The following ANKAR variants were observed in gnomAD, a reference collection of about 807,000 sequenced individuals.
The protein encoded by ANKAR is ankyrin and armadillo repeat-containing protein.
Under a neutral mutation model 146.2 loss-of-function variants are expected in ANKAR, and 136 were observed. The ratio of observed to expected loss-of-function variants is 0.93; its 90% CI spans 0.81 to 1.07. ANKAR has a LOEUF of 1.07. Ranked by LOEUF, ANKAR falls within the 50% of genes least tolerant of loss-of-function variation. The pLI is 0.00. For missense variants in ANKAR, 1,567 were observed against 1,679.9 expected, an observed-to-expected ratio of 0.93 and a Z score of 1.18; for synonymous variants, 500 against 575.8, an observed-to-expected ratio of 0.87 and a Z score of 1.88.
chr2:189,742,833 GACAC>G (rs371664229), intron 20 of ANKAR, among the ~76,000 whole-genome samples: 1 of 53,254 alleles, frequency 1.9e-5, no homozygotes. Context: ...AGAATTACCT[GACAC>G]ACACACACAC....
chr2:189,732,436 CG>C (rs1010024739), intron 16 of ANKAR, among the ~76,000 whole-genome samples: 5 of 152,062 alleles, frequency 3.3e-5, no homozygotes, highest in African/African-American at 9.6e-5. Context: ...ACAAAGCAGG[CG>C]GATCATGAGG....
chr2:189,724,831 GGAAATATATTGAT>G (rs1309072130), intron 12 of ANKAR, among the ~76,000 whole-genome samples: 2 of 151,818 alleles, frequency 1.3e-5, no homozygotes, highest in Non-Finnish European at 2.9e-5. Context: ...TTTTGCTTTT[GGAAATATATTGAT>G]ATTCTACATA....
At chr2:189,755,692 GCCTT>G in intron 18 of ANKAR, 4 of 948,164 alleles carry the variant, frequency 4.2e-6, no homozygotes, top group Non-Finnish European at 6.0e-6. Flanking sequence ...CTAATTGTGT[GCCTT>G]CTAACATAGC....
At chr2:189,715,311 C>T (rs1249553465) in intron 10 of ANKAR, among the ~76,000 whole-genome samples, 3 of 152,164 alleles carry the variant, frequency 2.0e-5, no homozygotes, top group African/African-American at 7.2e-5. Context: ...CTATAAACAC[C>T]CCTACACAAA....
chr2:189,692,433 T>C lies in ANKAR; in HGVS notation c.1203+15T>C. Reference sequence around the variant, plus strand: ...AAGATTTTCAGGTTTAAATGATCATTCCTTAGACAATTTATCATTTCACAA... The same window carrying C: ...AAGATTTTCAGGTTTAAATGATCATCCCTTAGACAATTTATCATTTCACAA... On this transcript the variant is annotated intron_variant, in intron 4 of 22. Transcript: ENST00000684021. The C allele has an allele frequency of 6.3e-7, 1 of 1,590,966 alleles. No homozygotes were observed. The highest frequency in any genetic ancestry group is 8.5e-7 in the Non-Finnish European group (1 of 1,171,958).
Position 189,707,024 on chromosome 2 carries a change from G to T in ANKAR, c.1997G>T (p.Arg666Ile), listed in dbSNP as rs1299317026. ...QYLFSIGANW[R>I]KTDIKGNNII... The stretch of plus-strand genomic sequence containing the variant: ...CTGTTTTCTATCGGTGCTAACTGGA[G>T]AAAAACAGATATTAAAGGAAATAAT... Residue 666 changes from arginine to isoleucine, a missense_variant, in exon 9 of 23, where the codon AGA (arginine) becomes ATA (isoleucine). Physicochemically the swap from Arg to Ile is moderately conservative, Grantham distance 97. Transcript: ENST00000684021. The T allele has an allele frequency of 6.2e-7, 1 of 1,613,370 alleles. No homozygotes were observed. Among genetic ancestry groups the T allele is most frequent in the Non-Finnish European group, 8.5e-7 (1 of 1,179,678 alleles).
At chr2:189,686,203 T>TA (rs1192415020) in intron 2 of ANKAR, among the ~76,000 whole-genome samples, 3 of 151,832 alleles carry the variant, frequency 2.0e-5, no homozygotes, top group Admixed American at 1.3e-4. Flanking sequence ...CTGGCCTTTT[T>TA]AAAAAAAAGA....
chr2:189,752,738 A>G (rs1214579578), intron 18 of ANKAR: 2 of 1,613,950 alleles, frequency 1.2e-6, no homozygotes, highest in East Asian at 2.2e-5. Flanking sequence ...AATAAGAAGC[A>G]TTAAAATAAA....
At chr2:189,681,607 C>T (rs73048420) in intron 2 of ANKAR, among the ~76,000 whole-genome samples, 1 of 152,330 alleles carries the variant, frequency 6.6e-6, no homozygotes, top group South Asian at 2.1e-4. Flanking sequence ...CACTTAACCA[C>T]CAGCACAGTA....
downstream of ANKAR, chr2:189,746,699 T>C (rs2044210691): frequency 1.4e-6 from 2 of 1,398,876 alleles, no homozygotes; most frequent in East Asian, 2.5e-5. Flanking sequence ...AATGGTAATA[T>C]GCAAATAACA....
intron 7 of ANKAR, among the ~76,000 whole-genome samples, chr2:189,701,146 A>T (rs2037995574): frequency 6.6e-6 from 1 of 152,140 alleles, no homozygotes; most frequent in South Asian, 2.1e-4. Flanking sequence ...ATGTGGAAAA[A>T]TTATCAATCA....
intron 9 of ANKAR, 95 bp from the exon 10 acceptor site, chr2:189,710,954 G>C (rs2039603531): frequency 9.9e-7 from 1 of 1,014,758 alleles, no homozygotes. Context: ...GACCTCAACT[G>C]TTGGTTTTAT....
intron 18 of ANKAR, chr2:189,753,968 G>A (rs763471552): frequency 6.2e-7 from 1 of 1,613,744 alleles, no homozygotes; most frequent in African/African-American, 1.3e-5. Context: ...AAACAGAATA[G>A]CCCGATGTGT....
chr2:189,761,882 C>T (rs1422034136), downstream of ANKAR, among the ~76,000 whole-genome samples: 1 of 152,104 alleles, frequency 6.6e-6, no homozygotes, highest in Non-Finnish European at 1.5e-5. Flanking sequence ...ATTATTATTA[C>T]TTGCATGCTG....
chr2:189,680,768 A>C (rs753606453), intron 2 of ANKAR, among the ~76,000 whole-genome samples: 3 of 152,034 alleles, frequency 2.0e-5, no homozygotes, highest in Non-Finnish European at 4.4e-5. Flanking sequence ...GTTAATTTCC[A>C]GTTTATTCCA....
At chr2:189,743,040 T>C (rs1368143185) in intron 20 of ANKAR, among the ~76,000 whole-genome samples, 1 of 149,204 alleles carries the variant, frequency 6.7e-6, no homozygotes, top group African/African-American at 2.5e-5. Flanking sequence ...CTCCAGGTGG[T>C]TCTAAAATGC....
intron 3 of ANKAR, among the ~76,000 whole-genome samples, chr2:189,690,667 T>G (rs1414953412): frequency 2.0e-5 from 3 of 152,216 alleles, no homozygotes; most frequent in Non-Finnish European, 4.4e-5. Context: ...AATCCTTTAG[T>G]GAAAGTTTGT....
At chr2:189,678,275 T>C (rs951341275) in intron 2 of ANKAR, among the ~76,000 whole-genome samples, 1 of 152,208 alleles carries the variant, frequency 6.6e-6, no homozygotes, top group African/African-American at 2.4e-5. Context: ...TTGCCCACTT[T>C]TTGATGGGAT....
chr2:189,744,927 G>T, intron 22 of ANKAR, 139 bp downstream of exon 22: 1 of 598,186 alleles, frequency 1.7e-6, no homozygotes, highest in Non-Finnish European at 2.9e-6. Flanking sequence ...GGAGGCCGAG[G>T]TGGGCAGATC....
Sources: allele counts gnomAD v4.1 joint callset (sites outside exome capture counted in the v4.1 genomes callset), GRCh38; gene constraint gnomAD v4.1.1; transcripts MANE v1.5; gene names NCBI Gene and HGNC (gene_info 2026-07-23, HGNC 2026-07-21).